The following DNAJC17 variants were observed in gnomAD, a reference collection of about 807,000 sequenced individuals.
The protein encoded by DNAJC17 is dnaJ homolog subfamily C member 17.
In DNAJC17, 35 loss-of-function variants were observed where a neutral mutation model predicts 48.1. The observed-to-expected ratio is 0.73, with a 90% CI of 0.56 to 0.96. The LOEUF is 0.96. Ranked by LOEUF, DNAJC17 falls within the 50% of genes least tolerant of loss-of-function variation. DNAJC17 has a pLI of 0.00. For synonymous variants in DNAJC17, 117 were observed against 142.7 expected (o/e 0.82, Z 1.28); for missense variants, 355 against 377.1 (o/e 0.94, Z 0.48).
intron 1 of DNAJC17, among the ~76,000 whole-genome samples, chr15:40,806,832 G>C (rs1412120470): frequency 6.6e-6 from 1 of 152,214 alleles, no homozygotes; most frequent in African/African-American, 2.4e-5. Flanking sequence ...ATGCTGAGAA[G>C]GGCATCAGCT....
intron 1 of DNAJC17, among the ~76,000 whole-genome samples, chr15:40,794,324 T>C (rs754905304): frequency 1.5e-4 from 23 of 150,994 alleles, no homozygotes; most frequent in Non-Finnish European, 2.9e-4. Context: ...CACTCCAGCC[T>C]GGGGGATAGA....
chr15:40,771,110 A>G (rs940549861), intron 10 of DNAJC17: 1 of 1,260,042 alleles, frequency 7.9e-7, no homozygotes, highest in Non-Finnish European at 1.1e-6. Flanking sequence ...CTCCAGGCCC[A>G]TCGCTGGAGG....
intron 1 of DNAJC17, among the ~76,000 whole-genome samples, chr15:40,797,844 C>T (rs930221277): frequency 2.0e-5 from 3 of 151,904 alleles, no homozygotes; most frequent in African/African-American, 7.3e-5. Context: ...GCCTCACCCC[C>T]CTGGGTAGGT....
At chr15:40,778,865 T>C (rs112498403) in intron 4 of DNAJC17, among the ~76,000 whole-genome samples, 7,642 of 151,968 alleles carry the variant, frequency 0.05, 658 homozygotes, top group African/African-American at 0.18. Context: ...ACCCAGAGGG[T>C]GGGGGTTGCA....
At chr15:40,771,093 G>A (rs772918999) in intron 10 of DNAJC17, 117 of 1,420,158 alleles carry the variant, frequency 8.2e-5, no homozygotes, top group Non-Finnish European at 1.1e-4. Flanking sequence ...AAAGGACAGG[G>A]ACAGGACTCC....
chr15:40,779,852 T>C (rs1889432159), intron 2 of DNAJC17, 76 bp downstream of exon 2: 2 of 1,504,180 alleles, frequency 1.3e-6, no homozygotes, highest in Non-Finnish European at 1.8e-6. Flanking sequence ...AGCACTCACA[T>C]GCAGAGCTTA....
chr15:40,774,989 G>A (rs752116924), intron 8 of DNAJC17, 42 bp downstream of exon 8: 21 of 1,603,954 alleles, frequency 1.3e-5, no homozygotes, highest in Non-Finnish European at 1.6e-5. Flanking sequence ...ACTGAGACGT[G>A]GACTGAGATG....
rs913845983 is a variant in DNAJC17, at chr15:40,769,511, G to A, written c.793-1449C>T. 6.6e-6 allele frequency among the ~76,000 whole-genome samples: 1 copy of A among 152,222 alleles called. No individual in the cohort carries two copies. Among genetic ancestry groups the A allele is most frequent in the Non-Finnish European group, 1.5e-5 (1 of 68,034 alleles). On this transcript the variant is annotated intron_variant, in intron 10 of 10. Transcript: ENST00000220496. The surrounding 1 kb of genome is among the most constrained non-coding windows in gnomAD (Gnocchi z 4.2). Reference sequence around the variant, plus strand: ...CTTGGCGGGCCCCCAGCCCAACCCTGGGCAGCAGAGCCCGCCCATCACAGG... The same window carrying A: ...CTTGGCGGGCCCCCAGCCCAACCCTAGGCAGCAGAGCCCGCCCATCACAGG...
chr15:40,786,296 T>A lies in DNAJC17; in HGVS notation c.79-6299A>T, dbSNP rs77694235. On this transcript the variant is annotated intron_variant, in intron 1 of 10. Transcript: ENST00000220496. ...CAAGAAATAGAAGGGCCATCCTCTA[T>A]AATCTTACTCCTTATGATATAGGAT... 7.2e-3 allele frequency among the ~76,000 whole-genome samples: 1,103 copies of A among 152,330 alleles called. 16 individuals carry two copies. The highest frequency in any genetic ancestry group is 0.025 in the African/African-American group (1,041 of 41,572).
At chr15:40,786,920 TG>T (rs1889658766) in intron 1 of DNAJC17, among the ~76,000 whole-genome samples, 2 of 152,268 alleles carry the variant, frequency 1.3e-5, no homozygotes, top group Non-Finnish European at 2.9e-5. Context: ...AATCTGTTTT[TG>T]ATGTCTCAGG....
chr15:40,797,625 T>C (rs1328921072), intron 1 of DNAJC17, among the ~76,000 whole-genome samples: 2 of 151,444 alleles, frequency 1.3e-5, no homozygotes, highest in Admixed American at 6.6e-5. Context: ...TTGGCCAAGC[T>C]GGTCTTGAAC....
intron 6 of DNAJC17, 102 bp from the exon 7 acceptor site, chr15:40,775,698 C>T: frequency 8.1e-7 from 1 of 1,229,036 alleles, no homozygotes; most frequent in Admixed American, 1.7e-5. Context: ...AAGGGTCACT[C>T]CTGACCAAGG....
rs1889414562 is a variant in DNAJC17 at position 40,779,323 on chromosome 15, AGGG to A, written c.208-16_208-14del. 6.2e-7 allele frequency: 1 copy of A among 1,613,688 alleles called. No homozygotes were observed. Among genetic ancestry groups the A allele is most frequent in the Non-Finnish European group, 8.5e-7 (1 of 1,179,898 alleles). On this transcript the variant is annotated splice_polypyrimidine_tract_variant and intron_variant, in intron 3 of 10. Coordinates refer to ENST00000220496, the MANE Select transcript of DNAJC17 (RefSeq NM_018163.3). ...TGTCATATGCAGCCTGGCAGGAGAA[AGGG>A]GCACAGGGCAGAGGGTCAGTGAGAG...
At chr15:40,778,707 G>A (rs1156646521) in intron 4 of DNAJC17, among the ~76,000 whole-genome samples, 2 of 152,148 alleles carry the variant, frequency 1.3e-5, no homozygotes, top group East Asian at 3.9e-4. Context: ...GGGAGACTGA[G>A]GTGGATAGCT....
At chr15:40,774,202 G>A (rs2141947728) in intron 9 of DNAJC17, 154 bp downstream of exon 9, 5 of 816,228 alleles carry the variant, frequency 6.1e-6, no homozygotes, top group South Asian at 4.9e-5. Flanking sequence ...TCTATTTCCA[G>A]GAGTCAGGGG....
chr15:40,805,612 G>A (rs1047455774), intron 1 of DNAJC17, among the ~76,000 whole-genome samples: 5 of 149,516 alleles, frequency 3.3e-5, no homozygotes, highest in Non-Finnish European at 3.0e-5. Context: ...GGAGGCTGAG[G>A]TGGGCAGATC....
At position 40,776,587 on chromosome 15, in the gene DNAJC17, ACT is replaced by A; in HGVS notation, c.334_335del (p.Ser112Ter). 1.2e-6 allele frequency: 2 copies of A among 1,610,888 alleles called. No homozygotes were observed. The highest frequency in any genetic ancestry group is 1.7e-6 in the Non-Finnish European group (2 of 1,179,160). Reference sequence around the variant, plus strand: ...TGCTCCGGCTCTCCTCTTCCTCCTCACTCTCCTGGGCCTGGGCCTGCCGCTCC... The same window carrying A: ...TGCTCCGGCTCTCCTCTTCCTCCTCACTCCTGGGCCTGGGCCTGCCGCTCC... The part of the protein sequence containing the change: ...ARERQAQAQE[S>X]EEEEESRSTR... On this transcript the variant is annotated frameshift_variant, in exon 5 of 11. Transcript: ENST00000220496. LOFTEE classifies it high-confidence loss of function.
chr15:40,802,541 C>T lies in DNAJC17; in HGVS notation c.78+4828G>A, dbSNP rs547134842. Among the ~76,000 whole-genome samples the T allele has an allele frequency of 4.6e-5, 7 of 152,202 alleles. 1 individual carries two copies. The highest frequency in any genetic ancestry group is 1.7e-4 in the African/African-American group (7 of 41,512). ...GAGGGATCAAACAGGCAGATAGATA[C>T]ACAGATTTGAGATTCAGAGAAGTAG... On this transcript the variant is annotated intron_variant, in intron 1 of 10. Coordinates refer to ENST00000220496, the MANE Select transcript of DNAJC17 (RefSeq NM_018163.3).
At chr15:40,801,737 C>CAAAA (rs1048222450) in intron 1 of DNAJC17, among the ~76,000 whole-genome samples, 34 of 63,730 alleles carry the variant, frequency 5.3e-4, no homozygotes, top group African/African-American at 9.8e-4. Flanking sequence ...GACTCCGTCT[C>CAAAA]AAAAAAAAAA....
Sources: allele counts gnomAD v4.1 joint callset (sites outside exome capture counted in the v4.1 genomes callset), GRCh38; gene constraint gnomAD v4.1.1; non-coding constraint Gnocchi (gnomAD v3.1); transcripts MANE v1.5; gene names NCBI Gene and HGNC (gene_info 2026-07-23, HGNC 2026-07-21).